The following VPS13D variants were observed in gnomAD, a reference collection of about 807,000 sequenced individuals.
VPS13D encodes the protein vacuolar protein sorting 13 homolog D, also known as intermembrane lipid transfer protein VPS13D.
A neutral mutation model predicts 461.9 loss-of-function variants in VPS13D; 187 were observed. The ratio of observed to expected loss-of-function variants is 0.40; its 90% CI spans 0.36 to 0.46. The LOEUF is 0.46. Ranked by LOEUF, VPS13D falls within the 20% of genes least tolerant of loss-of-function variation. The pLI is 0.60. For missense variants in VPS13D, 4,711 were observed against 5,364.9 expected (o/e 0.88, Z 3.81); for synonymous variants, 1,951 against 1,986.3 (o/e 0.98, Z 0.47).
In VPS13D at chr1:12,346,584, A is replaced by T. The variant is rs527768417; in HGVS notation, c.9022-21A>T. On this transcript the variant is annotated intron_variant, in intron 43 of 69. Coordinates refer to ENST00000620676, the MANE Select transcript of VPS13D (RefSeq NM_015378.4). ...ATTATCTTAAGTCTGTGCTGACTCTAACTTTTGAAATCTTTTTCAGATTGG... is the reference window on the plus strand; with the variant it reads ...ATTATCTTAAGTCTGTGCTGACTCTTACTTTTGAAATCTTTTTCAGATTGG... 1.2e-5 allele frequency: 19 copies of T among 1,612,266 alleles called. No individual in the cohort carries two copies. In the Admixed American group the frequency reaches 1.3e-4, roughly 11 times the overall value.
chr1:12,289,978 T>C (rs188569788), intron 22 of VPS13D, among the ~76,000 whole-genome samples: 1 of 152,282 alleles, frequency 6.6e-6, no homozygotes, highest in East Asian at 1.9e-4. Flanking sequence ...CATTGGGAGC[T>C]GAACTAGCAT....
chr1:12,345,424 G>C lies in VPS13D; in HGVS notation c.8936G>C (p.Trp2979Ser), dbSNP rs1206293863. Residue 2979 changes from tryptophan (W) to serine (S), a missense_variant, in exon 43 of 70, where the codon TGG becomes TCG. Trp to Ser is a radical substitution (Grantham distance 177). Around this residue, in one of 3 missense-constraint regions of VPS13D, gnomAD observed 4,411 missense variants for 4,937.8 expected, o/e 0.89. Transcript: ENST00000620676. ...CAACTGCAAGTGAGAGTAAATGGCT[G>C]GGAGCAAGTGAGCCCAGTGTCTGTG... Reference protein sequence around the residue: ...IHQLQVRVNGWEQVSPVSVDK... With the variant: ...IHQLQVRVNGSEQVSPVSVDK... 1 of 1,613,908 alleles carries C rather than the reference G, an allele frequency of 6.2e-7. No homozygotes were observed. Among genetic ancestry groups the C allele is most frequent in the Non-Finnish European group, 8.5e-7 (1 of 1,179,814 alleles).
intron 46 of VPS13D, among the ~76,000 whole-genome samples, chr1:12,352,964 T>G: frequency 2.4e-4 from 1 of 4,180 alleles, no homozygotes; most frequent in Non-Finnish European, 4.2e-4. Flanking sequence ...AAACTCAGTC[T>G]CAAAAAAAAA....
Position 12,456,070 on chromosome 1 carries a change from A to G in VPS13D, c.12406A>G (p.Arg4136Gly), listed in dbSNP as rs1645322674. 1 of 1,614,034 alleles carries G rather than the reference A, an allele frequency of 6.2e-7. No homozygotes were observed. The highest frequency in any genetic ancestry group is 8.5e-7 in the Non-Finnish European group (1 of 1,179,960). Residue 4136 changes from arginine to glycine, a missense_variant, in exon 66 of 70, where the codon AGG becomes GGG. Coordinates refer to ENST00000620676, the MANE Select transcript of VPS13D (RefSeq NM_015378.4). Reference sequence around the variant, plus strand: ...GCATCAGTCAGAGCGGGAGTACATCAGGTACCATGCAGCCACAAGTGGTGA... The same window carrying G: ...GCATCAGTCAGAGCGGGAGTACATCGGGTACCATGCAGCCACAAGTGGTGA... The part of the protein sequence containing the change: ...NRHQSEREYI[R>G]YHAATSGEHL...
chr1:12,345,361 T>C lies in VPS13D; in HGVS notation c.8886-13T>C, dbSNP rs1403007085. On this transcript the variant is annotated splice_polypyrimidine_tract_variant and intron_variant, in intron 42 of 69. Coordinates refer to ENST00000620676, the MANE Select transcript of VPS13D (RefSeq NM_015378.4). The stretch of plus-strand genomic sequence containing the variant: ...ATTGTGCCTAATATCTTTTTCTTTG[T>C]TCTGCCTGACAGACACACCCATGAC... 1 of 1,600,740 alleles carries C rather than the reference T, an allele frequency of 6.2e-7. No individual in the cohort carries two copies. Among genetic ancestry groups the C allele is most frequent in the Non-Finnish European group, 8.5e-7 (1 of 1,169,744 alleles).
At chr1:12,300,349 AG>A (rs1384385926) in intron 25 of VPS13D, among the ~76,000 whole-genome samples, 1 of 151,720 alleles carries the variant, frequency 6.6e-6, no homozygotes, top group Non-Finnish European at 1.5e-5. Flanking sequence ...CTGAGATTAC[AG>A]GTACCAACCA....
intron 65 of VPS13D, among the ~76,000 whole-genome samples, chr1:12,433,959 TG>T (rs1645028067): frequency 1.4e-5 from 2 of 144,420 alleles, no homozygotes; most frequent in Non-Finnish European, 3.0e-5. Context: ...AGTGTGTGTG[TG>T]TGTGTGTGTG....
At chr1:12,286,571 CTGTT>C (rs1357213645) in intron 21 of VPS13D, among the ~76,000 whole-genome samples, 2 of 152,190 alleles carry the variant, frequency 1.3e-5, no homozygotes, top group South Asian at 2.1e-4. Flanking sequence ...TCTTGTTTGA[CTGTT>C]TGACTTCTTT....
intron 65 of VPS13D, among the ~76,000 whole-genome samples, chr1:12,430,576 G>A (rs929683509): frequency 6.6e-6 from 1 of 152,198 alleles, no homozygotes; most frequent in Admixed American, 6.5e-5. Context: ...AGGTTAAATG[G>A]TTTTGCCAAG....
At position 12,322,693 on chromosome 1, in the gene VPS13D, G is replaced by A. The variant is rs1193487860; in HGVS notation, c.7862G>A (p.Arg2621His). 7 of 1,614,034 alleles carry A rather than the reference G, an allele frequency of 4.3e-6. No individual in the cohort carries two copies. Among genetic ancestry groups the A allele is most frequent in the African/African-American group, 1.3e-5 (1 of 74,904 alleles). ...GGCACTTACCTTCCAGGTGCATCTC[G>A]CGTTGGAGAGGAAATCAGAGAAGGG... ...SVGTYLPGASRVGEEIREGTR... is the reference protein window; with the variant it reads ...SVGTYLPGASHVGEEIREGTR... Residue 2621 changes from arginine to histidine, a missense_variant, in exon 34 of 70, where the codon CGC becomes CAC. Around this residue, in one of 3 missense-constraint regions of VPS13D, gnomAD observed 4,411 missense variants for 4,937.8 expected, o/e 0.89. Transcript: ENST00000620676.
intron 20 of VPS13D, among the ~76,000 whole-genome samples, chr1:12,280,988 G>A (rs1000349503): frequency 7.9e-5 from 12 of 151,710 alleles, no homozygotes; most frequent in African/African-American, 2.9e-4. Context: ...ATACAAAAGT[G>A]GAATAGTCTA....
chr1:12,471,060 G>A (rs1388415251), intron 67 of VPS13D, among the ~76,000 whole-genome samples: 2 of 152,168 alleles, frequency 1.3e-5, no homozygotes, highest in South Asian at 2.1e-4. Context: ...CCAGGACTTT[G>A]GGAGGCTGAA....
chr1:12,293,803 T>C (rs563501087), intron 24 of VPS13D, 99 bp downstream of exon 24: 3 of 1,251,418 alleles, frequency 2.4e-6, no homozygotes, highest in Non-Finnish European at 3.3e-6. Flanking sequence ...AGGTAAGTTA[T>C]CCTTGCTAAT....
intron 67 of VPS13D, among the ~76,000 whole-genome samples, chr1:12,491,263 G>A (rs553068731): frequency 1.1e-3 from 164 of 152,330 alleles, no homozygotes; most frequent in African/African-American, 3.7e-3. Context: ...TGATGCTAAC[G>A]TCACATGTGT....
chr1:12,359,567 C>T (rs1210379525), intron 50 of VPS13D, among the ~76,000 whole-genome samples: 1 of 152,096 alleles, frequency 6.6e-6, no homozygotes, highest in Non-Finnish European at 1.5e-5. Context: ...ACAGTATGCA[C>T]ATAGTGTCAT....
At chr1:12,490,695 T>C (rs116518249) in intron 67 of VPS13D, among the ~76,000 whole-genome samples, 1,587 of 143,904 alleles carry the variant, frequency 0.011, 19 homozygotes, top group African/African-American at 0.038. Flanking sequence ...AGGTCTGAGA[T>C]AGATGCAGCC....
In VPS13D at chr1:12,355,073, T is replaced by G. The variant is rs529714172; in HGVS notation, c.9680-826T>G. Among the ~76,000 whole-genome samples, 16 of 152,318 alleles carry G rather than the reference T, an allele frequency of 1.1e-4. No homozygotes were observed. In the East Asian group the frequency reaches 3.1e-3, roughly 29 times the overall value. ...ATCAGAGGTGAAGTACAGAATCAGC[T>G]GGATTGGTTACAGGTTGGTGTTTGC... On this transcript the variant is annotated intron_variant, in intron 47 of 69. Coordinates refer to ENST00000620676, the MANE Select transcript of VPS13D (RefSeq NM_015378.4).
In VPS13D at chr1:12,271,028, G is replaced by C. The variant is rs751329415; in HGVS notation, c.2007G>C (p.Val669=). 1 of 1,613,912 alleles carries C rather than the reference G, an allele frequency of 6.2e-7. No homozygotes were observed. The highest frequency in any genetic ancestry group is 1.3e-5 in the African/African-American group (1 of 75,014). Residue 669 remains valine, a synonymous_variant, in exon 17 of 70, where the codon GTG becomes GTC. Transcript: ENST00000620676. ...ATCAGTCTGAACTTGAGCTGAGAGTGGCTGAAGCTGCCCGAAGACAATATA... is the reference window on the plus strand; with the variant it reads ...ATCAGTCTGAACTTGAGCTGAGAGTCGCTGAAGCTGCCCGAAGACAATATA... ...FGYQSELELR[V]AEAARRQYNK... is the part of the protein sequence containing the mutation.
In VPS13D at chr1:12,416,592, G is replaced by A. The variant is rs1224410078; in HGVS notation, c.12166-68G>A. The A allele has an allele frequency of 3.3e-6, 5 of 1,501,056 alleles. No homozygotes were observed. The Admixed American group carries it at 8.4e-5, about 25-fold the overall frequency. 93.0% of individuals were successfully genotyped at this position (1,501,056 alleles called of 1,614,324 possible). A position where few individuals can be genotyped will look rare whatever the true frequency, so the allele number is the denominator to read the frequency against. On this transcript the variant is annotated intron_variant, in intron 64 of 69. Transcript: ENST00000620676. The stretch of plus-strand genomic sequence containing the variant: ...AAATAGATTTCTAAGCTCTTCGCTT[G>A]GGACACTGGTATCTGCAAATATAAG...
Sources: gnomAD v4.1 joint callset for allele counts (sites outside exome capture counted in the v4.1 genomes callset) on GRCh38, gnomAD v4.1.1 for gene constraint, gnomAD v4.1.1 regional missense constraint, MANE v1.5 for transcripts, NCBI Gene and HGNC (gene_info 2026-07-23, HGNC 2026-07-21) for gene names.